The following NKAIN2 variants were observed in gnomAD, a reference collection of about 807,000 sequenced individuals.
NKAIN2 encodes sodium/potassium-transporting ATPase subunit beta-1-interacting protein 2.
In NKAIN2, 14 loss-of-function variants were observed where a neutral mutation model predicts 32.6. That is an observed-to-expected ratio of 0.43 (90% confidence interval 0.28 to 0.67). NKAIN2 has a LOEUF of 0.67. Ranked by LOEUF, NKAIN2 falls within the 30% of genes least tolerant of loss-of-function variation. The probability of loss-of-function intolerance (pLI) is 0.17; values close to 1 mark genes in which losing one functional copy is unlikely to be tolerated. For missense variants in NKAIN2, 198 were observed against 258.3 expected, an observed-to-expected ratio of 0.77 and a Z score of 1.60; for synonymous variants, 80 against 87.2, an observed-to-expected ratio of 0.92 and a Z score of 0.46.
At chr6:124,200,318 G>A (rs1415207210) in intron 1 of NKAIN2, among the ~76,000 whole-genome samples, 2 of 152,028 alleles carry the variant, frequency 1.3e-5, no homozygotes, top group Non-Finnish European at 2.9e-5. Flanking sequence ...ACTTCTCATA[G>A]ACATGCATCA....
At chr6:123,890,666 G>A (rs1270484473) in intron 1 of NKAIN2, among the ~76,000 whole-genome samples, 1 of 151,980 alleles carries the variant, frequency 6.6e-6, no homozygotes, top group African/African-American at 2.4e-5. Context: ...AAAAAATACA[G>A]CAAACCCAGA....
intron 3 of NKAIN2, among the ~76,000 whole-genome samples, chr6:124,562,227 T>C (rs1030229161): frequency 6.6e-6 from 1 of 152,326 alleles, no homozygotes; most frequent in African/African-American, 2.4e-5. Context: ...AATTTACCAT[T>C]GTAAAAAGAG....
intron 3 of NKAIN2, among the ~76,000 whole-genome samples, chr6:124,453,887 A>G (rs1458369373): frequency 6.6e-6 from 1 of 152,102 alleles, no homozygotes; most frequent in East Asian, 1.9e-4. Flanking sequence ...GGCTTACCTA[A>G]GAAAAATTAT....
intron 3 of NKAIN2, among the ~76,000 whole-genome samples, chr6:124,442,843 C>T (rs552390047): frequency 6.6e-6 from 1 of 152,164 alleles, no homozygotes; most frequent in South Asian, 2.1e-4. Context: ...CATAAACTAC[C>T]ATTAGGCTTG....
At chr6:124,457,006 A>G (rs1776349220) in intron 3 of NKAIN2, among the ~76,000 whole-genome samples, 1 of 151,866 alleles carries the variant, frequency 6.6e-6, no homozygotes, top group Non-Finnish European at 1.5e-5. Context: ...TTCTTGGGAC[A>G]CTAGAAACTC....
intron 1 of NKAIN2, among the ~76,000 whole-genome samples, chr6:124,095,547 G>T (rs1268349219): frequency 6.6e-6 from 1 of 152,038 alleles, no homozygotes; most frequent in Non-Finnish European, 1.5e-5. Context: ...GCTCCTTTAT[G>T]CAGCCTAATT....
At chr6:124,809,631 AT>A (rs1310435395) in intron 5 of NKAIN2, among the ~76,000 whole-genome samples, 2 of 150,110 alleles carry the variant, frequency 1.3e-5, no homozygotes, top group African/African-American at 4.9e-5. Flanking sequence ...AAATTGACAA[AT>A]GGGATCTAAT....
intron 1 of NKAIN2, among the ~76,000 whole-genome samples, chr6:124,054,506 T>C (rs1176994518): frequency 6.6e-6 from 1 of 152,096 alleles, no homozygotes; most frequent in African/African-American, 2.4e-5. Flanking sequence ...GGAATCTTCT[T>C]GGACTAATAA....
intron 1 of NKAIN2, among the ~76,000 whole-genome samples, chr6:124,007,881 G>A (rs1246275676): frequency 6.6e-6 from 1 of 152,138 alleles, no homozygotes; most frequent in Non-Finnish European, 1.5e-5. Flanking sequence ...CACACTCTAT[G>A]CTGCCAATTG....
chr6:124,677,621 A>G (rs935354346), intron 4 of NKAIN2, among the ~76,000 whole-genome samples: 8 of 152,172 alleles, frequency 5.3e-5, no homozygotes, highest in African/African-American at 1.9e-4. Context: ...TCACATACAC[A>G]TTATGTTACT....
chr6:124,706,725 T>A (rs1583683469), intron 4 of NKAIN2, among the ~76,000 whole-genome samples: 2 of 152,200 alleles, frequency 1.3e-5, no homozygotes, highest in East Asian at 3.8e-4. Flanking sequence ...TGGCACCTAA[T>A]CGTCATTTGA....
intron 4 of NKAIN2, among the ~76,000 whole-genome samples, chr6:124,679,199 C>T (rs981491340): frequency 4.6e-5 from 7 of 152,142 alleles, no homozygotes; most frequent in African/African-American, 1.7e-4. Flanking sequence ...TTTCCCTCCC[C>T]TGGAAGAAGC....
intron 4 of NKAIN2, among the ~76,000 whole-genome samples, chr6:124,733,012 A>T (rs1199784298): frequency 1.3e-5 from 2 of 152,002 alleles, no homozygotes; most frequent in Non-Finnish European, 2.9e-5. Flanking sequence ...TGAACAAAAA[A>T]AAGTGGATGG....
intron 1 of NKAIN2, among the ~76,000 whole-genome samples, chr6:124,135,318 A>G (rs112337895): frequency 1.8e-4 from 27 of 152,198 alleles, no homozygotes; most frequent in African/African-American, 6.3e-4. Flanking sequence ...GCTCCACTTA[A>G]AAGATACAGA....
intron 2 of NKAIN2, among the ~76,000 whole-genome samples, chr6:124,334,267 TG>T (rs1254246300): frequency 1.3e-5 from 2 of 152,232 alleles, no homozygotes; most frequent in Non-Finnish European, 2.9e-5. Context: ...TAATGTTCAA[TG>T]TATAATATAA....
At chr6:124,662,425 C>A (rs1039115565) in intron 4 of NKAIN2, among the ~76,000 whole-genome samples, 1 of 152,058 alleles carries the variant, frequency 6.6e-6, no homozygotes, top group Admixed American at 6.5e-5. Context: ...ATATCTGGTA[C>A]CTGGTTCATA....
intron 1 of NKAIN2, among the ~76,000 whole-genome samples, chr6:124,104,766 G>C (rs1242229554): frequency 1.3e-5 from 2 of 152,190 alleles, no homozygotes; most frequent in Non-Finnish European, 1.5e-5. Flanking sequence ...TCTCTACTCA[G>C]TTCTATAGTT....
chr6:124,560,816 T>G (rs1304005230), intron 3 of NKAIN2, among the ~76,000 whole-genome samples: 1 of 152,242 alleles, frequency 6.6e-6, no homozygotes, highest in Non-Finnish European at 1.5e-5. Flanking sequence ...TATTTTTTGT[T>G]TAAATCAAAA....
chr6:124,373,879 G>T (rs894208331), intron 3 of NKAIN2, among the ~76,000 whole-genome samples: 4 of 152,114 alleles, frequency 2.6e-5, no homozygotes, highest in African/African-American at 9.7e-5. Flanking sequence ...AGAGAGTAAA[G>T]GCGGCTTTTT....
Sources: gnomAD v4.1 joint callset for allele counts (sites outside exome capture counted in the v4.1 genomes callset) on GRCh38, gnomAD v4.1.1 for gene constraint, MANE v1.5 for transcripts, NCBI Gene and HGNC (gene_info 2026-07-23, HGNC 2026-07-21) for gene names.